The following SH3RF3 variants were observed in gnomAD, a reference collection of about 807,000 sequenced individuals.
The protein encoded by SH3RF3 is SH3 domain containing ring finger 3, also known as E3 ubiquitin-protein ligase SH3RF3.
Under a neutral mutation model 66.3 loss-of-function variants are expected in SH3RF3, and 29 were observed. The observed-to-expected ratio is 0.44, with a 90% CI of 0.33 to 0.60. The LOEUF is 0.60. Among genes scored for constraint, SH3RF3 ranks in the 20% least tolerant of loss-of-function variants. SH3RF3 has a pLI of 0.04. For synonymous variants in SH3RF3, 583 were observed against 532.0 expected (o/e 1.10, Z -1.32); for missense variants, 1,194 against 1,190.9 (o/e 1.00, Z -0.04).
intron 1 of SH3RF3, among the ~76,000 whole-genome samples, chr2:109,208,504 T>G (rs1678893518): frequency 6.6e-6 from 1 of 152,178 alleles, no homozygotes; most frequent in African/African-American, 2.4e-5. Flanking sequence ...CAGTTACAGC[T>G]AAGCTCCATG....
chr2:109,342,405 C>T (rs375091509), intron 1 of SH3RF3, among the ~76,000 whole-genome samples: 167 of 152,306 alleles, frequency 1.1e-3, no homozygotes, highest in African/African-American at 3.5e-3. Flanking sequence ...AGGCCAGCAG[C>T]GGAGCATCCA....
intron 2 of SH3RF3, among the ~76,000 whole-genome samples, chr2:109,361,391 T>C (rs1377203387): frequency 1.3e-5 from 2 of 152,226 alleles, no homozygotes; most frequent in African/African-American, 2.4e-5. Flanking sequence ...TTGGTATAAT[T>C]TCTTCATTTA....
chr2:109,383,590 G>T (rs528521847), intron 3 of SH3RF3, among the ~76,000 whole-genome samples: 1 of 152,176 alleles, frequency 6.6e-6, no homozygotes, highest in Non-Finnish European at 1.5e-5. Context: ...TCCGGGAAAT[G>T]CCCAAACCGT....
chr2:109,279,869 A>T (rs1410397328), intron 1 of SH3RF3, among the ~76,000 whole-genome samples: 1 of 151,310 alleles, frequency 6.6e-6, no homozygotes, highest in Non-Finnish European at 1.5e-5. Flanking sequence ...GGCTTAGGGT[A>T]TGGGCCCCTG....
At chr2:109,363,784 C>G (rs1480832867) in intron 2 of SH3RF3, among the ~76,000 whole-genome samples, 2 of 152,184 alleles carry the variant, frequency 1.3e-5, no homozygotes, top group African/African-American at 4.8e-5. Flanking sequence ...ATATTTTACT[C>G]CACTCTCTTG....
chr2:109,203,475 T>A (rs1407108789), intron 1 of SH3RF3, among the ~76,000 whole-genome samples: 1 of 152,174 alleles, frequency 6.6e-6, no homozygotes, highest in Non-Finnish European at 1.5e-5. Context: ...AGTCGCTTCT[T>A]AGTTCCTAAG....
intron 1 of SH3RF3, among the ~76,000 whole-genome samples, chr2:109,333,154 G>C (rs1490786342): frequency 6.6e-6 from 1 of 152,238 alleles, no homozygotes; most frequent in African/African-American, 2.4e-5. Context: ...GGTTGATCTT[G>C]CTCGCGGCAG....
At chr2:109,478,904 G>T (rs1332230870) in intron 8 of SH3RF3, among the ~76,000 whole-genome samples, 1 of 152,208 alleles carries the variant, frequency 6.6e-6, no homozygotes, top group African/African-American at 2.4e-5. Context: ...GATGCTGTGG[G>T]TTGGGAATTG....
intron 8 of SH3RF3, among the ~76,000 whole-genome samples, chr2:109,471,668 C>T (rs1437988461): frequency 1.3e-5 from 2 of 152,190 alleles, no homozygotes. Context: ...TGCTCCAGGA[C>T]ACATGCTGGG....
At chr2:109,207,852 T>C (rs10173448) in intron 1 of SH3RF3, among the ~76,000 whole-genome samples, 14,622 of 152,190 alleles carry the variant, frequency 0.096, 1,283 homozygotes, top group East Asian at 0.31. Context: ...CTCATATTGT[T>C]TGGGGACCAA....
rs114211567 is a variant in SH3RF3, at chr2:109,370,739, C to A, written c.850-847C>A. Reference sequence around the variant, plus strand: ...ATGACTGCTCATCTCCCAGTCTCAACCCCCCCGAAAGCCCGCCTTTCCTCC... The same window carrying A: ...ATGACTGCTCATCTCCCAGTCTCAAACCCCCCGAAAGCCCGCCTTTCCTCC... On this transcript the variant is annotated intron_variant, in intron 2 of 9. Coordinates refer to ENST00000309415, the MANE Select transcript of SH3RF3 (RefSeq NM_001099289.3). 6.4e-3 allele frequency among the ~76,000 whole-genome samples: 967 copies of A among 152,184 alleles called. 7 individuals are homozygous for A. The highest frequency in any genetic ancestry group is 0.021 in the African/African-American group (888 of 41,532).
intron 1 of SH3RF3, among the ~76,000 whole-genome samples, chr2:109,148,898 G>C (rs1312796091): frequency 6.6e-6 from 1 of 152,026 alleles, no homozygotes; most frequent in Non-Finnish European, 1.5e-5. Flanking sequence ...AATTCTGATT[G>C]GTGGTTTTAC....
chr2:109,398,234 G>A (rs1385238417), intron 3 of SH3RF3, among the ~76,000 whole-genome samples: 3 of 152,190 alleles, frequency 2.0e-5, no homozygotes, highest in Admixed American at 6.5e-5. Context: ...CTGATATGGG[G>A]CTTCCTTCCC....
intron 1 of SH3RF3, among the ~76,000 whole-genome samples, chr2:109,252,678 C>T (rs997536626): frequency 2.0e-5 from 3 of 152,206 alleles, no homozygotes; most frequent in African/African-American, 7.2e-5. Flanking sequence ...AACCTCATAG[C>T]TCAGCCTAGC....
At chr2:109,425,512 A>C (rs1677003662) in intron 5 of SH3RF3, among the ~76,000 whole-genome samples, 1 of 152,190 alleles carries the variant, frequency 6.6e-6, no homozygotes, top group African/African-American at 2.4e-5. Context: ...GGGCTAATGC[A>C]GCTGGTGACT....
intron 1 of SH3RF3, among the ~76,000 whole-genome samples, chr2:109,262,980 C>T (rs1680394908): frequency 6.6e-6 from 1 of 151,956 alleles, no homozygotes; most frequent in Admixed American, 6.6e-5. Context: ...GTACAGGTGC[C>T]CGCCACCACA....
At chr2:109,264,760 A>G (rs1249493668) in intron 1 of SH3RF3, among the ~76,000 whole-genome samples, 1 of 152,172 alleles carries the variant, frequency 6.6e-6, no homozygotes, top group Non-Finnish European at 1.5e-5. Context: ...CTGGGCGGGC[A>G]TCTCATTCTT....
chr2:109,276,229 G>A (rs192995611), intron 1 of SH3RF3, among the ~76,000 whole-genome samples: 2 of 152,210 alleles, frequency 1.3e-5, no homozygotes, highest in African/African-American at 4.8e-5. Flanking sequence ...GAGTCTGAAC[G>A]TCCCTGGAGG....
intron 1 of SH3RF3, among the ~76,000 whole-genome samples, chr2:109,260,152 T>C (rs905164525): frequency 1.3e-5 from 2 of 152,194 alleles, no homozygotes; most frequent in African/African-American, 2.4e-5. Flanking sequence ...AGGGAATAAA[T>C]GCATTCCCGA....
Sources: gnomAD v4.1 joint callset for allele counts (sites outside exome capture counted in the v4.1 genomes callset) on GRCh38, gnomAD v4.1.1 for gene constraint, MANE v1.5 for transcripts, NCBI Gene and HGNC (gene_info 2026-07-23, HGNC 2026-07-21) for gene names.